Variants in MARK3 observed in about 807,000 individuals in gnomAD.
The protein encoded by MARK3 is MAP/microtubule affinity-regulating kinase 3.
In MARK3, 46 loss-of-function variants were observed where a neutral mutation model predicts 90.1. The observed-to-expected ratio is 0.51, with a 90% CI of 0.40 to 0.65. MARK3 has a LOEUF of 0.65. Among genes scored for constraint, MARK3 ranks in the 30% least tolerant of loss-of-function variants. MARK3 has a pLI of 0.00. For missense variants in MARK3, 818 were observed against 947.2 expected (o/e 0.86, Z 1.79); for synonymous variants, 321 against 332.6 (o/e 0.97, Z 0.38).
At chr14:103,443,731 T>G (rs2092921101) in intron 3 of MARK3, among the ~76,000 whole-genome samples, 2 of 152,372 alleles carry the variant, frequency 1.3e-5, no homozygotes, top group South Asian at 4.1e-4. Context: ...CCTTTGAGTC[T>G]TTCCAGAGAT....
chr14:103,486,960 C>T (rs994827933), intron 14 of MARK3, among the ~76,000 whole-genome samples: 8 of 151,912 alleles, frequency 5.3e-5, no homozygotes, highest in African/African-American at 1.9e-4. Context: ...CTCTGTCACC[C>T]AGACTGGAGT....
intron 14 of MARK3, among the ~76,000 whole-genome samples, chr14:103,487,803 C>T (rs1201460545): frequency 6.6e-6 from 1 of 152,154 alleles, no homozygotes; most frequent in Non-Finnish European, 1.5e-5. Context: ...AATCCCAGCA[C>T]TTTGGGAGGC....
rs33971338 is a variant in MARK3 at position 103,413,429 on chromosome 14, C to CTTTT, written c.243+8174_243+8177dup. Among the ~76,000 whole-genome samples, 51 of 131,712 alleles carry CTTTT rather than the reference C, an allele frequency of 3.9e-4. 1 individual carries two copies. The highest frequency in any genetic ancestry group is 1.3e-3 in the African/African-American group (46 of 35,084). The allele number at this position is 131,712 out of a possible 152,430, so 86.4% of individuals were successfully genotyped here. On this transcript the variant is annotated intron_variant, in intron 2 of 17. Coordinates refer to ENST00000429436, the MANE Select transcript of MARK3 (RefSeq NM_001128918.3). ...GTTTATATTGTTTTTTAATAGCATG[C>CTTTT]TTTTTTTTTTTTTTTGAGACAGAGT...
At chr14:103,492,665 G>A (rs2094037726) in intron 15 of MARK3, among the ~76,000 whole-genome samples, 2 of 152,080 alleles carry the variant, frequency 1.3e-5, no homozygotes, top group South Asian at 4.2e-4. Flanking sequence ...TTGGCTGATG[G>A]TCCTGGAAAT....
At position 103,457,258 on chromosome 14, in the gene MARK3, CACTT is replaced by C. The variant is rs764281154; in HGVS notation, c.483+48_483+51del. On this transcript the variant is annotated intron_variant, in intron 6 of 17. Coordinates refer to ENST00000429436, the MANE Select transcript of MARK3 (RefSeq NM_001128918.3). ...ACTATGTCAATTTGATAATTTATCT[CACTT>C]AAACCCTGAAGCAAACAAGTGTTTG... 17 of 1,369,596 alleles carry C rather than the reference CACTT, an allele frequency of 1.2e-5. No homozygotes were observed. In the African/African-American group the frequency reaches 1.7e-4, roughly 14 times the overall value. The allele number at this position is 1,369,596 out of a possible 1,614,324, so 84.8% of individuals were successfully genotyped here.
In MARK3 at chr14:103,491,758, T is replaced by C. The variant is rs748931993; in HGVS notation, c.1587-19T>C. 2.5e-6 allele frequency: 4 copies of C among 1,610,822 alleles called. No homozygotes were observed. Among genetic ancestry groups the C allele is most frequent in the South Asian group, 2.2e-5 (2 of 91,004 alleles). Reference sequence around the variant, plus strand: ...TTGTATATCATGTTCTGAGAGCTTCTTACTTTCTGATCTCATAGCACTATT... The same window carrying C: ...TTGTATATCATGTTCTGAGAGCTTCCTACTTTCTGATCTCATAGCACTATT... On this transcript the variant is annotated intron_variant, in intron 14 of 17. Transcript: ENST00000429436.
At chr14:103,492,839 C>G (rs995412169) in intron 15 of MARK3, among the ~76,000 whole-genome samples, 1 of 152,246 alleles carries the variant, frequency 6.6e-6, no homozygotes, top group African/African-American at 2.4e-5. Context: ...CACTTTGAAC[C>G]GTAAACAATA....
At chr14:103,502,151 G>A (rs1300007917) in intron 17 of MARK3, among the ~76,000 whole-genome samples, 2 of 152,252 alleles carry the variant, frequency 1.3e-5, no homozygotes, top group Non-Finnish European at 2.9e-5. Flanking sequence ...TACTTAGGCT[G>A]CCTCTTGGAC....
chr14:103,389,527 C>CAAAAAAAA (rs2090068219), intron 1 of MARK3, among the ~76,000 whole-genome samples: 1 of 19,368 alleles, frequency 5.2e-5, no homozygotes, highest in Non-Finnish European at 1.1e-4. Context: ...GACTCTGTCT[C>CAAAAAAAA]CAAAAAAAAA....
intron 15 of MARK3, among the ~76,000 whole-genome samples, chr14:103,497,902 A>G (rs1002327460): frequency 2.0e-5 from 3 of 152,228 alleles, no homozygotes; most frequent in Non-Finnish European, 4.4e-5. Context: ...CTTCTTTAAC[A>G]TAAGACATAA....
At chr14:103,409,460 A>G (rs1426164101) in intron 2 of MARK3, among the ~76,000 whole-genome samples, 3 of 130,786 alleles carry the variant, frequency 2.3e-5, no homozygotes, top group African/African-American at 5.4e-5. Flanking sequence ...AAAAAAAAAA[A>G]AAAAAGGAAA....
In MARK3 at chr14:103,467,069, C is replaced by T. The variant is rs760518224; in HGVS notation, c.998-10C>T. 2.3e-6 allele frequency: 3 copies of T among 1,278,870 alleles called. No homozygotes were observed. The highest frequency in any genetic ancestry group is 3.4e-6 in the Non-Finnish European group (3 of 890,054). The allele number at this position is 1,278,870 out of a possible 1,614,324, so 79.2% of individuals were successfully genotyped here. ...CAAAACACATAAACTGTATTATGCC[C>T]TTCTTTTAGATATTATGGTGGGAAT... On this transcript the variant is annotated splice_polypyrimidine_tract_variant and intron_variant, in intron 10 of 17. Transcript: ENST00000429436.
At chr14:103,438,159 C>G (rs528583681) in intron 3 of MARK3, among the ~76,000 whole-genome samples, 1 of 152,268 alleles carries the variant, frequency 6.6e-6, no homozygotes, top group Admixed American at 6.5e-5. Context: ...CGCCACCACG[C>G]CCAGCTAATT....
Position 103,442,952 on chromosome 14 carries a change from T to A in MARK3, c.298-5967T>A, listed in dbSNP as rs2403173. Among the ~76,000 whole-genome samples the A allele has an allele frequency of 2.9e-5, 4 of 140,262 alleles. 1 individual carries two copies. The highest frequency in any genetic ancestry group is 6.1e-5 in the Non-Finnish European group (4 of 66,042). 92.0% of individuals were successfully genotyped at this position (140,262 alleles called of 152,430 possible). ...AAACTTTGGTGGGTGTCCCCCCCCC[T>A]CCCACCGACAAGGAAGTGAGAAGAG... On this transcript the variant is annotated intron_variant, in intron 3 of 17. Transcript: ENST00000429436.
At chr14:103,420,630 A>G (rs1490310950) in intron 2 of MARK3, among the ~76,000 whole-genome samples, 1 of 152,194 alleles carries the variant, frequency 6.6e-6, no homozygotes, top group Admixed American at 6.5e-5. Context: ...CTATATGTAC[A>G]TTATTGGGCA....
intron 15 of MARK3, among the ~76,000 whole-genome samples, chr14:103,492,452 C>T (rs1298130671): frequency 6.6e-6 from 1 of 152,078 alleles, no homozygotes; most frequent in Non-Finnish European, 1.5e-5. Flanking sequence ...GACAGCTTCT[C>T]TTTTCTCACT....
At chr14:103,470,775 C>G (rs2093613588) in intron 12 of MARK3, among the ~76,000 whole-genome samples, 3 of 152,056 alleles carry the variant, frequency 2.0e-5, no homozygotes, top group Admixed American at 2.0e-4. Flanking sequence ...TTTCTCTTCT[C>G]TGGACATTTT....
At chr14:103,425,994 GC>G (rs991496405) in intron 2 of MARK3, among the ~76,000 whole-genome samples, 1 of 152,206 alleles carries the variant, frequency 6.6e-6, no homozygotes, top group Admixed American at 6.6e-5. Context: ...TGTACATAAT[GC>G]AGCCATTCTC....
intron 2 of MARK3, among the ~76,000 whole-genome samples, chr14:103,420,561 A>G (rs1474015058): frequency 6.6e-6 from 1 of 152,212 alleles, no homozygotes; most frequent in African/African-American, 2.4e-5. Context: ...GGTAAAATAC[A>G]TACAACATAA....
Sources: gnomAD v4.1 joint callset for allele counts (sites outside exome capture counted in the v4.1 genomes callset) on GRCh38, gnomAD v4.1.1 for gene constraint, MANE v1.5 for transcripts, NCBI Gene and HGNC (gene_info 2026-07-23, HGNC 2026-07-21) for gene names.